CRIM1: variants seen among roughly 807,000 people sequenced by gnomAD.
The protein encoded by CRIM1 is cysteine-rich motor neuron 1 protein.
A neutral mutation model predicts 116.4 loss-of-function variants in CRIM1; 32 were observed. The ratio of observed to expected loss-of-function variants is 0.27; its 90% CI spans 0.21 to 0.37. The LOEUF is 0.37. Ranked by LOEUF, CRIM1 falls within the 10% of genes least tolerant of loss-of-function variation. The probability of loss-of-function intolerance (pLI) is 1.00; values close to 1 mark genes in which losing one functional copy is unlikely to be tolerated. For synonymous variants in CRIM1, 590 were observed against 509.2 expected (o/e 1.16, Z -2.13); for missense variants, 1,331 against 1,354.8 (o/e 0.98, Z 0.28).
intron 13 of CRIM1, among the ~76,000 whole-genome samples, chr2:36,531,640 T>C (rs918777638): frequency 2.6e-5 from 4 of 152,162 alleles, no homozygotes; most frequent in Non-Finnish European, 5.9e-5. Flanking sequence ...TTTTCTTATC[T>C]TGAAAAGAGG....
chr2:36,372,864 TA>T (rs1229430690), intron 1 of CRIM1, among the ~76,000 whole-genome samples: 1 of 152,202 alleles, frequency 6.6e-6, no homozygotes. Flanking sequence ...TAAGTAAAGT[TA>T]TAGCTGTAGA....
intron 2 of CRIM1, among the ~76,000 whole-genome samples, chr2:36,414,670 G>A (rs182140915): frequency 1.6e-4 from 25 of 152,342 alleles, no homozygotes; most frequent in Non-Finnish European, 3.2e-4. Context: ...CAAAGAGCTC[G>A]TGGAAGAACA....
chr2:36,460,645 A>G (rs2124997594), intron 4 of CRIM1, among the ~76,000 whole-genome samples: 1 of 152,336 alleles, frequency 6.6e-6, no homozygotes, highest in East Asian at 1.9e-4. Context: ...TTCACAGTAG[A>G]GAAATCTCAG....
intron 4 of CRIM1, among the ~76,000 whole-genome samples, chr2:36,446,349 C>A (rs1221581813): frequency 6.6e-6 from 1 of 152,188 alleles, no homozygotes; most frequent in Non-Finnish European, 1.5e-5. Flanking sequence ...ATTCATTCAT[C>A]TATTCATCAA....
rs554797327 is a variant in CRIM1 at position 36,385,478 on chromosome 2, T to A, written c.332-11136T>A. ...CTCGTTTTCCTCGATGATAGATTAGTTGAGATCATGTTTATATTGGTGGGT... is the reference window on the plus strand; with the variant it reads ...CTCGTTTTCCTCGATGATAGATTAGATGAGATCATGTTTATATTGGTGGGT... On this transcript the variant is annotated intron_variant, in intron 1 of 16. Coordinates refer to ENST00000280527, the MANE Select transcript of CRIM1 (RefSeq NM_016441.3). Among the ~76,000 whole-genome samples, 7 of 152,290 alleles carry A rather than the reference T, an allele frequency of 4.6e-5. No individual in the cohort carries two copies. In the South Asian group the frequency reaches 1.5e-3, roughly 32 times the overall value.
chr2:36,468,683 T>C (rs1439574437), intron 5 of CRIM1, among the ~76,000 whole-genome samples: 1 of 152,186 alleles, frequency 6.6e-6, no homozygotes, highest in Non-Finnish European at 1.5e-5. Flanking sequence ...AAATGTCCCA[T>C]CAGCCGTCAG....
rs142052426 is a variant in CRIM1, at chr2:36,370,054, A to G, written c.331+13431A>G. Reference sequence around the variant, plus strand: ...AAATGACTTCTTAATAAAAGGTCGCACATTGTTTTACTTACTGCATTTGAA... The same window carrying G: ...AAATGACTTCTTAATAAAAGGTCGCGCATTGTTTTACTTACTGCATTTGAA... On this transcript the variant is annotated intron_variant, in intron 1 of 16. Coordinates refer to ENST00000280527, the MANE Select transcript of CRIM1 (RefSeq NM_016441.3). Among the ~76,000 whole-genome samples the G allele has an allele frequency of 2.6e-5, 4 of 152,332 alleles. No individual in the cohort carries two copies. In the East Asian group the frequency reaches 7.7e-4, roughly 29 times the overall value.
At chr2:36,527,259 C>T (rs1255926694) in intron 13 of CRIM1, among the ~76,000 whole-genome samples, 2 of 151,998 alleles carry the variant, frequency 1.3e-5, no homozygotes, top group African/African-American at 4.8e-5. Flanking sequence ...GCCTTCTAAT[C>T]AGCGAGTATC....
chr2:36,411,415 G>C (rs1313832055), intron 2 of CRIM1, among the ~76,000 whole-genome samples: 5 of 152,062 alleles, frequency 3.3e-5, no homozygotes, highest in Non-Finnish European at 7.4e-5. Flanking sequence ...AGTGTATTCT[G>C]TATGGATTTA....
At chr2:36,369,240 A>G (rs1350187004) in intron 1 of CRIM1, 6 of 152,230 alleles carry the variant, frequency 3.9e-5, no homozygotes, top group Admixed American at 2.6e-4. Flanking sequence ...TGAAGGGTCT[A>G]TGTTAGAAGG....
chr2:36,518,582 A>G (rs1268394939), intron 12 of CRIM1, among the ~76,000 whole-genome samples: 2 of 152,232 alleles, frequency 1.3e-5, no homozygotes, highest in African/African-American at 4.8e-5. Context: ...GGCTGTTGTC[A>G]TCATGCACGG....
intron 2 of CRIM1, among the ~76,000 whole-genome samples, chr2:36,431,656 A>G (rs953265790): frequency 6.6e-6 from 1 of 152,216 alleles, no homozygotes; most frequent in African/African-American, 2.4e-5. Context: ...TTAAAGGAAC[A>G]TGACTGGCTG....
At chr2:36,400,976 G>A (rs1672363668) in intron 2 of CRIM1, among the ~76,000 whole-genome samples, 2 of 152,068 alleles carry the variant, frequency 1.3e-5, no homozygotes, top group African/African-American at 4.8e-5. Flanking sequence ...GTGCAGTGGT[G>A]GGGATAGGGC....
intron 3 of CRIM1, among the ~76,000 whole-genome samples, chr2:36,442,015 T>C (rs1168861394): frequency 6.6e-6 from 1 of 152,224 alleles, no homozygotes; most frequent in Non-Finnish European, 1.5e-5. Context: ...CTCTTTACTT[T>C]ATAGCATGTG....
At chr2:36,530,671 G>A (rs1444914425) in intron 13 of CRIM1, among the ~76,000 whole-genome samples, 7 of 152,094 alleles carry the variant, frequency 4.6e-5, no homozygotes, top group Non-Finnish European at 8.8e-5. Flanking sequence ...GTAATACTTG[G>A]CTGCCTTTTC....
Position 36,392,360 on chromosome 2 carries a change from T to A in CRIM1, c.332-4254T>A, listed in dbSNP as rs112249510. 8.4e-3 allele frequency among the ~76,000 whole-genome samples: 1,284 copies of A among 152,288 alleles called. 16 individuals are homozygous for A. The highest frequency in any genetic ancestry group is 0.03 in the African/African-American group (1,229 of 41,550). On this transcript the variant is annotated intron_variant, in intron 1 of 16. Coordinates refer to ENST00000280527, the MANE Select transcript of CRIM1 (RefSeq NM_016441.3). The stretch of plus-strand genomic sequence containing the variant: ...AGAGGTACCTCAGTTGTCTTCACCT[T>A]TCAGGCTAGGAGACTACATCTTGTC...
At chr2:36,540,343 C>G (rs1572963684) in intron 14 of CRIM1, among the ~76,000 whole-genome samples, 1 of 152,114 alleles carries the variant, frequency 6.6e-6, no homozygotes, top group Non-Finnish European at 1.5e-5. Context: ...TTATGCAACT[C>G]TCATGCAGAC....
intron 5 of CRIM1, 119 bp from the exon 6 acceptor site, chr2:36,476,769 TA>T: frequency 1.3e-6 from 1 of 749,708 alleles, no homozygotes; most frequent in Non-Finnish European, 2.2e-6. Flanking sequence ...TTGAGTTGAG[TA>T]AATTTCCATC....
At chr2:36,465,536 G>T (rs1325112578) in intron 5 of CRIM1, among the ~76,000 whole-genome samples, 2 of 152,188 alleles carry the variant, frequency 1.3e-5, no homozygotes, top group South Asian at 2.1e-4. Flanking sequence ...GATGTCATAA[G>T]GTCTCCTGCC....
Sources: allele counts gnomAD v4.1 joint callset (sites outside exome capture counted in the v4.1 genomes callset), GRCh38; gene constraint gnomAD v4.1.1; transcripts MANE v1.5; gene names NCBI Gene and HGNC (gene_info 2026-07-23, HGNC 2026-07-21).